Variants in C12orf56 observed in about 807,000 individuals in gnomAD.
The protein encoded by C12orf56 is chromosome 12 open reading frame 56, also known as uncharacterized protein C12orf56.
Under a neutral mutation model 69.9 loss-of-function variants are expected in C12orf56, and 71 were observed. That is an observed-to-expected ratio of 1.02 (90% CI 0.84 to 1.24). The LOEUF (loss-of-function observed/expected upper bound fraction) is 1.24, where lower values mean the gene tolerates loss of function less well. C12orf56 is among the 50% of genes most tolerant of loss of function. The pLI, the probability that C12orf56 is intolerant of heterozygous loss-of-function variation, is 0.00. For missense variants in C12orf56, 732 were observed against 738.5 expected (o/e 0.99, Z 0.10); for synonymous variants, 276 against 274.1 (o/e 1.01, Z -0.07).
chr12:64,286,981 C>G (rs911981944), intron 6 of C12orf56, among the ~76,000 whole-genome samples: 1 of 151,872 alleles, frequency 6.6e-6, no homozygotes, highest in Admixed American at 6.6e-5. Context: ...TCATGCCTGT[C>G]AGCCCAGCAC....
intron 8 of C12orf56, among the ~76,000 whole-genome samples, chr12:64,280,896 A>C (rs2038113632): frequency 6.6e-6 from 1 of 152,212 alleles, no homozygotes; most frequent in Non-Finnish European, 1.5e-5. Context: ...CAGATTTCTG[A>C]TCCACTGACA....
At chr12:64,383,357 G>A (rs1260592536) in intron 1 of C12orf56, among the ~76,000 whole-genome samples, 1 of 151,634 alleles carries the variant, frequency 6.6e-6, no homozygotes, top group Non-Finnish European at 1.5e-5. Flanking sequence ...TGTTTAATTG[G>A]ATTTTCCTGA....
intron 5 of C12orf56, among the ~76,000 whole-genome samples, chr12:64,308,287 AC>A (rs1320550031): frequency 6.6e-6 from 1 of 152,190 alleles, no homozygotes; most frequent in Non-Finnish European, 1.5e-5. Flanking sequence ...ATGCCACTGT[AC>A]TACAGCCTGA....
chr12:64,282,878 T>C (rs1239561292), intron 8 of C12orf56, among the ~76,000 whole-genome samples: 1 of 151,838 alleles, frequency 6.6e-6, no homozygotes, highest in Non-Finnish European at 1.5e-5. Context: ...GCGTGGTGGC[T>C]CACACCTGTA....
chr12:64,366,212 TAC>T (rs1201925971), intron 1 of C12orf56, among the ~76,000 whole-genome samples: 3 of 88,576 alleles, frequency 3.4e-5, no homozygotes, highest in African/African-American at 4.6e-5. Context: ...TTGTATAATA[TAC>T]AGTTTATATA....
intron 1 of C12orf56, among the ~76,000 whole-genome samples, chr12:64,367,295 T>G (rs867534523): frequency 3.6e-4 from 46 of 127,298 alleles, no homozygotes; most frequent in African/African-American, 1.4e-3. Context: ...TAATATACAG[T>G]TTATATATTA....
At chr12:64,272,553 T>C (rs2038003539) in intron 11 of C12orf56, among the ~76,000 whole-genome samples, 2 of 146,112 alleles carry the variant, frequency 1.4e-5, no homozygotes, top group African/African-American at 2.5e-5. Context: ...AAGGCTTACA[T>C]GGGAAATGAA....
chr12:64,277,367 G>C (rs2038065211), intron 9 of C12orf56, among the ~76,000 whole-genome samples: 2 of 151,996 alleles, frequency 1.3e-5, no homozygotes, highest in South Asian at 4.1e-4. Flanking sequence ...TTTGTACACA[G>C]ACAGACATAA....
chr12:64,312,084 G>T (rs9888445), intron 5 of C12orf56, among the ~76,000 whole-genome samples: 145,181 of 152,204 alleles, frequency 0.95, 69,606 homozygotes, highest in East Asian at 1. Flanking sequence ...GACTCTGGCT[G>T]AGGTGATCTA....
intron 7 of C12orf56, 28 bp downstream of exon 7, chr12:64,285,926 A>C: frequency 6.8e-7 from 1 of 1,467,864 alleles, no homozygotes; most frequent in Non-Finnish European, 9.3e-7. Flanking sequence ...AAAAAAAAAA[A>C]ATCGATGATT....
intron 8 of C12orf56, among the ~76,000 whole-genome samples, chr12:64,284,300 C>T (rs1229866659): frequency 2.0e-5 from 3 of 152,272 alleles, no homozygotes; most frequent in Middle Eastern, 6.8e-3. Flanking sequence ...GCTACTATAA[C>T]ACCTGATTTT....
intron 4 of C12orf56, among the ~76,000 whole-genome samples, 159 bp downstream of exon 4, chr12:64,318,416 C>T (rs987814906): frequency 6.6e-6 from 1 of 152,126 alleles, no homozygotes; most frequent in Non-Finnish European, 1.5e-5. Flanking sequence ...TAAATAAAAT[C>T]ATCTCCTTAA....
At position 64,265,265 on chromosome 12, in the gene C12orf56, CCTCT is replaced by C. The variant is rs574084457; in HGVS notation, c.*1914_*1917del. ...GGACACTCAAAAACACCATTTTGCTCCTCTCTCTCTGCCCCCAAAATTGAGGGTA... is the reference window on the plus strand; with the variant it reads ...GGACACTCAAAAACACCATTTTGCTCCTCTCTGCCCCCAAAATTGAGGGTA... On this transcript the variant is annotated 3_prime_UTR_variant, in exon 13 of 13. Coordinates refer to ENST00000543942, the MANE Select transcript of C12orf56 (RefSeq NM_001170633.2). 4 of 152,234 alleles carry C rather than the reference CCTCT, an allele frequency of 2.6e-5. No homozygotes were observed. The highest frequency in any genetic ancestry group is 5.9e-5 in the Non-Finnish European group (4 of 68,092). The allele number at this position is 152,234 out of a possible 1,614,324, so 9.4% of individuals were successfully genotyped here. A position where few individuals can be genotyped will look rare whatever the true frequency, so the allele number is the denominator to read the frequency against.
intron 1 of C12orf56, among the ~76,000 whole-genome samples, chr12:64,365,162 CT>C (rs386376771): frequency 0.14 from 17,687 of 122,822 alleles, 1,329 homozygotes; most frequent in East Asian, 0.37. Flanking sequence ...AAAGCTGTTC[CT>C]TTTTTTTTTT....
Position 64,267,868 on chromosome 12 carries a change from G to A in C12orf56, c.1764-580C>T, listed in dbSNP as rs190506928. Among the ~76,000 whole-genome samples the A allele has an allele frequency of 8.7e-4, 132 of 152,176 alleles. 1 individual carries two copies. Among genetic ancestry groups the A allele is most frequent in the African/African-American group, 3.1e-3 (130 of 41,504 alleles). On this transcript the variant is annotated intron_variant, in intron 12 of 12. Transcript: ENST00000543942. ...ACAGAATTTCTACGTGTGACACCTGGTTATCAGTATTTTTTTAATAGGTTG... is the reference window on the plus strand; with the variant it reads ...ACAGAATTTCTACGTGTGACACCTGATTATCAGTATTTTTTTAATAGGTTG...
At chr12:64,338,751 T>A in intron 2 of C12orf56, 2 of 1,458,298 alleles carry the variant, frequency 1.4e-6, no homozygotes, top group South Asian at 1.1e-5. Context: ...AAAGCCATCA[T>A]ATGCTTTATC....
chr12:64,365,097 T>A lies in C12orf56; in HGVS notation c.253-12041A>T, dbSNP rs537332220. Among the ~76,000 whole-genome samples the A allele has an allele frequency of 1.6e-3, 243 of 152,158 alleles. 2 individuals carry two copies. The highest frequency in any genetic ancestry group is 5.7e-3 in the African/African-American group (236 of 41,536). On this transcript the variant is annotated intron_variant, in intron 1 of 12. Transcript: ENST00000543942. ...ATTGAACACTCATTACATGATCTTT[T>A]ATGTGCTTTATAGGTGTTATATCAT... is the stretch of plus-strand genomic sequence containing the variant.
chr12:64,370,527 T>G (rs1368161094), intron 1 of C12orf56, among the ~76,000 whole-genome samples: 2 of 151,790 alleles, frequency 1.3e-5, no homozygotes, highest in Non-Finnish European at 2.9e-5. Flanking sequence ...GGCACACACC[T>G]GTAGTCCCAG....
At chr12:64,313,447 T>C (rs11175335) in intron 4 of C12orf56, among the ~76,000 whole-genome samples, 62,758 of 151,298 alleles carry the variant, frequency 0.41, 13,111 homozygotes, top group African/African-American at 0.43. Context: ...CTTCGGAGGC[T>C]GAGGCAGGTG....
Sources: allele counts gnomAD v4.1 joint callset (sites outside exome capture counted in the v4.1 genomes callset), GRCh38; gene constraint gnomAD v4.1.1; transcripts MANE v1.5; gene names NCBI Gene and HGNC (gene_info 2026-07-23, HGNC 2026-07-21).